Variants in NLK observed in about 807,000 individuals in gnomAD.
The protein encoded by NLK is nemo like kinase.
In NLK, 11 loss-of-function variants were observed where a neutral mutation model predicts 59.0. That is an observed-to-expected ratio of 0.19 (90% CI 0.12 to 0.31). NLK has a LOEUF of 0.31. Among genes scored for constraint, NLK ranks in the 10% least tolerant of loss-of-function variants. The pLI, the probability that NLK is intolerant of heterozygous loss-of-function variation, is 1.00. For synonymous variants in NLK, 235 were observed against 235.9 expected (o/e 1.00, Z 0.03); for missense variants, 410 against 661.1 (o/e 0.62, Z 4.16).
intron 1 of NLK, among the ~76,000 whole-genome samples, chr17:28,107,219 A>C (rs1369444595): frequency 6.6e-6 from 1 of 152,094 alleles, no homozygotes; most frequent in South Asian, 2.1e-4. Flanking sequence ...GGATCACCTG[A>C]GGTCAGGAGT....
chr17:28,058,318 T>A (rs558248387), intron 1 of NLK, among the ~76,000 whole-genome samples: 1 of 152,350 alleles, frequency 6.6e-6, no homozygotes, highest in African/African-American at 2.4e-5. Flanking sequence ...GAAGGTCTAG[T>A]TATCAACATC....
At chr17:28,199,684 ACAAAAC>A (rs1909577423), downstream of NLK, among the ~76,000 whole-genome samples, 2 of 15,540 alleles carry the variant, frequency 1.3e-4, no homozygotes, top group African/African-American at 4.6e-4. Context: ...AAAAAAAAAA[ACAAAAC>A]AAAACAAAAA....
chr17:28,151,184 A>G (rs898248013), intron 3 of NLK, among the ~76,000 whole-genome samples: 8 of 152,184 alleles, frequency 5.3e-5, no homozygotes, highest in African/African-American at 1.9e-4. Flanking sequence ...TCAGGCCCTC[A>G]TTTAATTTAA....
intron 3 of NLK, among the ~76,000 whole-genome samples, chr17:28,156,345 G>T (rs1907719595): frequency 6.6e-6 from 1 of 152,092 alleles, no homozygotes; most frequent in South Asian, 2.1e-4. Context: ...ACTTAAATGT[G>T]AATTTCTAAC....
chr17:28,199,538 C>T (rs1212155962), downstream of NLK, among the ~76,000 whole-genome samples: 1 of 151,584 alleles, frequency 6.6e-6, no homozygotes, highest in African/African-American at 2.4e-5. Flanking sequence ...TGGTGATGGG[C>T]GCCTATAGTT....
intron 1 of NLK, among the ~76,000 whole-genome samples, chr17:28,088,780 A>G (rs746893378): frequency 6.6e-6 from 1 of 152,048 alleles, no homozygotes; most frequent in Non-Finnish European, 1.5e-5. Context: ...GGAATCAGCC[A>G]TTTCTCCAAG....
chr17:28,070,892 T>C (rs1390592692), intron 1 of NLK, among the ~76,000 whole-genome samples: 1 of 152,220 alleles, frequency 6.6e-6, no homozygotes, highest in Non-Finnish European at 1.5e-5. Context: ...TATATAAATA[T>C]AGTGAAATTC....
At chr17:28,178,347 G>A (rs1908765386) in intron 7 of NLK, among the ~76,000 whole-genome samples, 1 of 152,168 alleles carries the variant, frequency 6.6e-6, no homozygotes, top group African/African-American at 2.4e-5. Context: ...AAACCACTTG[G>A]TTTGGGAGTG....
intron 1 of NLK, among the ~76,000 whole-genome samples, chr17:28,077,073 CTTTTTTTTTTTT>C (rs35639099): frequency 1.9e-4 from 8 of 42,488 alleles, no homozygotes; most frequent in African/African-American, 4.6e-4. Context: ...CTCTTTCTTT[CTTTTTTTTTTTT>C]TTTTTTTTTT....
chr17:28,046,027 T>C (rs971051605), intron 1 of NLK, among the ~76,000 whole-genome samples: 2 of 152,252 alleles, frequency 1.3e-5, no homozygotes, highest in Non-Finnish European at 2.9e-5. Flanking sequence ...TCTTCTGGAA[T>C]AGCATATGAC....
intron 3 of NLK, among the ~76,000 whole-genome samples, chr17:28,153,526 C>A (rs1907574517): frequency 6.6e-6 from 1 of 152,176 alleles, no homozygotes; most frequent in Non-Finnish European, 1.5e-5. Context: ...AGGCTCTGAC[C>A]TCATGACCTA....
chr17:28,115,637 T>G (rs1385526571), intron 1 of NLK, among the ~76,000 whole-genome samples: 1 of 152,190 alleles, frequency 6.6e-6, no homozygotes, highest in Admixed American at 6.5e-5. Flanking sequence ...ACACTTAAAT[T>G]TATAGAAAAA....
chr17:28,129,496 G>A (rs981529922), intron 2 of NLK, among the ~76,000 whole-genome samples: 1 of 151,992 alleles, frequency 6.6e-6, no homozygotes, highest in Admixed American at 6.6e-5. Flanking sequence ...TCTTAACCTG[G>A]GTGGTATTTA....
chr17:28,145,416 G>A (rs770921970), intron 3 of NLK, among the ~76,000 whole-genome samples: 8 of 152,122 alleles, frequency 5.3e-5, no homozygotes, highest in Non-Finnish European at 1.0e-4. Flanking sequence ...TTCTGTAGAG[G>A]TTCTCAGAGG....
At chr17:28,133,803 C>A (rs1391563827) in intron 3 of NLK, among the ~76,000 whole-genome samples, 5 of 152,112 alleles carry the variant, frequency 3.3e-5, no homozygotes, top group Non-Finnish European at 5.9e-5. Context: ...GATACTTTTT[C>A]TGATTCACCA....
intron 1 of NLK, among the ~76,000 whole-genome samples, chr17:28,082,028 G>T (rs957648039): frequency 6.6e-6 from 1 of 152,116 alleles, no homozygotes; most frequent in Non-Finnish European, 1.5e-5. Context: ...CGAGTAGCTC[G>T]GATTACAGGG....
chr17:28,081,532 GA>G (rs1197949122), intron 1 of NLK, among the ~76,000 whole-genome samples: 3 of 151,160 alleles, frequency 2.0e-5, no homozygotes, highest in Admixed American at 6.6e-5. Flanking sequence ...CACTCTTTAG[GA>G]AAAAAAATAA....
In NLK at chr17:28,045,055, A is replaced by G. The variant is rs117326095; in HGVS notation, c.458+1724A>G. Among the ~76,000 whole-genome samples the G allele has an allele frequency of 5.4e-3, 826 of 152,308 alleles. 2 individuals carry two copies. Among genetic ancestry groups the G allele is most frequent in the Non-Finnish European group, 8.6e-3 (584 of 68,010 alleles). On this transcript the variant is annotated intron_variant, in intron 1 of 10. Transcript: ENST00000407008. Reference sequence around the variant, plus strand: ...AAGAACTGGAGTGCTGAAACATCTCACACAGCAAACGTTCTGCTAGTGGGT... The same window carrying G: ...AAGAACTGGAGTGCTGAAACATCTCGCACAGCAAACGTTCTGCTAGTGGGT...
intron 1 of NLK, among the ~76,000 whole-genome samples, chr17:28,077,884 AAG>A (rs1910220354): frequency 6.6e-6 from 1 of 152,296 alleles, no homozygotes; most frequent in South Asian, 2.1e-4. Context: ...GTTTCGAAGA[AAG>A]AGTAATTCTT....
Sources: gnomAD v4.1 joint callset for allele counts (sites outside exome capture counted in the v4.1 genomes callset) on GRCh38, gnomAD v4.1.1 for gene constraint, MANE v1.5 for transcripts, NCBI Gene and HGNC (gene_info 2026-07-23, HGNC 2026-07-21) for gene names.